Variants in COPA observed in about 807,000 individuals in gnomAD.
The protein encoded by COPA is coatomer subunit alpha.
COPA carries 10 observed loss-of-function variants against 158.7 expected under a neutral mutation model. The ratio of observed to expected loss-of-function variants is 0.06; its 90% CI spans 0.04 to 0.11. COPA has a LOEUF of 0.11. Ranked by LOEUF, COPA falls within the 10% of genes least tolerant of loss-of-function variation. The probability of loss-of-function intolerance (pLI) is 1.00; values close to 1 mark genes in which losing one functional copy is unlikely to be tolerated. For synonymous variants in COPA, 462 were observed against 542.8 expected (o/e 0.85, Z 2.07); for missense variants, 1,065 against 1,536.7 (o/e 0.69, Z 5.13).
Position 160,292,190 on chromosome 1 carries a change from G to C in COPA, c.2969C>G (p.Ala990Gly). 6.2e-7 allele frequency: 1 copy of C among 1,610,654 alleles called. No homozygotes were observed. Among genetic ancestry groups the C allele is most frequent in the South Asian group, 1.1e-5 (1 of 90,956 alleles). Residue 990 changes from alanine (A) to glycine (G), a missense_variant, in exon 29 of 33, where the codon GCA becomes GGA. Around this residue, in one of 2 missense-constraint regions of COPA, gnomAD observed 980 missense variants for 1,357.8 expected, o/e 0.72. Transcript: ENST00000241704. ...YGYPNRNWKD[A>G]GLKNGVPAVG... ...AGCTGGTACACCATTCTTCAGCCCTGCATCCTTCCTGGAAAGGGAAAAGTA... is the reference window on the plus strand; with the variant it reads ...AGCTGGTACACCATTCTTCAGCCCTCCATCCTTCCTGGAAAGGGAAAAGTA...
intron 3 of COPA, among the ~76,000 whole-genome samples, chr1:160,337,486 G>A (rs547087189): frequency 5.9e-5 from 9 of 152,366 alleles, no homozygotes; most frequent in Admixed American, 3.3e-4. Context: ...TTGGGAGGCC[G>A]AGGCAGGAAG....
chr1:160,330,128 CA>C lies in COPA; in HGVS notation c.496+2319del, dbSNP rs34477637. The stretch of plus-strand genomic sequence containing the variant: ...ACTCTGTCCCCACCGCCACCCCCCC[CA>C]AAAAAAAATTGCCCCTGATCAGCTG... On this transcript the variant is annotated intron_variant, in intron 6 of 32. Transcript: ENST00000241704. Among the ~76,000 whole-genome samples, 7 of 150,928 alleles carry C rather than the reference CA, an allele frequency of 4.6e-5. 1 individual carries two copies. In the South Asian group the frequency reaches 6.3e-4, roughly 14 times the overall value.
chr1:160,293,799 T>C (rs1245481363), intron 25 of COPA, among the ~76,000 whole-genome samples: 5 of 152,052 alleles, frequency 3.3e-5, no homozygotes, highest in South Asian at 2.1e-4. Context: ...CCCAGCCAAA[T>C]TGAGTAATTT....
Position 160,325,546 on chromosome 1 carries a change from T to C in COPA, c.603A>G (p.Leu201=), listed in dbSNP as rs773046847. The C allele has an allele frequency of 7.4e-6, 12 of 1,613,128 alleles. No homozygotes were observed. Among genetic ancestry groups the C allele is most frequent in the Non-Finnish European group, 1.0e-5 (12 of 1,179,170 alleles). ...GTTDAVVKHV[L]EGHDRGVNWA... ...CCCTGGCTATAAAGATAAGTACCTC[T>C]AGTACATGCTTCACCACTGCATCTG... Residue 201 remains leucine, a synonymous_variant, in exon 7 of 33, where the codon CTA becomes CTG. Transcript: ENST00000241704.
intron 28 of COPA, 99 bp downstream of exon 28, chr1:160,292,385 C>T (rs1658269637): frequency 6.3e-7 from 1 of 1,596,932 alleles, no homozygotes; most frequent in Non-Finnish European, 8.5e-7. Context: ...TACTGGGAAA[C>T]CCTAGCTCTG....
intron 6 of COPA, among the ~76,000 whole-genome samples, chr1:160,325,941 A>T (rs1659477467): frequency 6.6e-6 from 1 of 152,202 alleles, no homozygotes; most frequent in Non-Finnish European, 1.5e-5. Flanking sequence ...CTTCTTCCAC[A>T]AATCTTACCT....
At chr1:160,291,234 T>C in intron 31 of COPA, 101 bp downstream of exon 31, 1 of 1,303,300 alleles carries the variant, frequency 7.7e-7, no homozygotes, top group Non-Finnish European at 1.1e-6. Flanking sequence ...TGTTGAATGT[T>C]GTTATTTATT....
intron 8 of COPA, among the ~76,000 whole-genome samples, chr1:160,314,449 T>TA (rs1374171602): frequency 2.6e-5 from 4 of 151,920 alleles, no homozygotes; most frequent in Non-Finnish European, 4.4e-5. Flanking sequence ...GGCAACATGG[T>TA]AAAAAACCCC....
intron 1 of COPA, among the ~76,000 whole-genome samples, chr1:160,342,124 T>C (rs1260798673): frequency 1.3e-5 from 2 of 152,192 alleles, no homozygotes; most frequent in Non-Finnish European, 2.9e-5. Context: ...ATACACTCCA[T>C]ATACTTTCTC....
chr1:160,293,459 A>G lies in COPA; in HGVS notation c.2681T>C (p.Ile894Thr), dbSNP rs575105119. ...AGCCCCACCAGCTGCCCCAGGGGAT[A>G]TATCCTAGGGGAAAAACAAAAATTG... ...EDLELPPELDISPGAAGGAED... is the reference protein window; with the variant it reads ...EDLELPPELDTSPGAAGGAED... Residue 894 changes from isoleucine (I) to threonine (T), a missense_variant, in exon 26 of 33, where the codon ATA (isoleucine) becomes ACA (threonine). Ile to Thr is a moderately conservative substitution (Grantham distance 89, BLOSUM62 -1). Transcript: ENST00000241704. 1.2e-5 allele frequency: 19 copies of G among 1,591,632 alleles called. No individual in the cohort carries two copies. The South Asian group carries it at 2.1e-4, about 17-fold the overall frequency.
intron 6 of COPA, among the ~76,000 whole-genome samples, chr1:160,327,432 G>T (rs1277356158): frequency 6.6e-6 from 1 of 150,972 alleles, no homozygotes; most frequent in Non-Finnish European, 1.5e-5. Context: ...AGCTGCTAGG[G>T]AGGCTGAGGC....
At chr1:160,316,467 A>G (rs907039954) in intron 8 of COPA, among the ~76,000 whole-genome samples, 2 of 151,576 alleles carry the variant, frequency 1.3e-5, no homozygotes, top group African/African-American at 4.8e-5. Context: ...TTTAAGAACA[A>G]TTGGCTGGCG....
chr1:160,300,522 T>G (rs1380096227), intron 17 of COPA, among the ~76,000 whole-genome samples: 1 of 152,132 alleles, frequency 6.6e-6, no homozygotes, highest in Non-Finnish European at 1.5e-5. Flanking sequence ...GAGAAAGTCC[T>G]ATGTCCATAT....
chr1:160,315,648 T>A (rs1005794049), intron 8 of COPA, among the ~76,000 whole-genome samples: 1 of 152,076 alleles, frequency 6.6e-6, no homozygotes, highest in Non-Finnish European at 1.5e-5. Context: ...ATATATCCAA[T>A]AAAAACCAAA....
At chr1:160,316,853 TGAG>T (rs1659159962) in intron 8 of COPA, among the ~76,000 whole-genome samples, 1 of 151,696 alleles carries the variant, frequency 6.6e-6, no homozygotes, top group African/African-American at 2.4e-5. Context: ...TTCCAAAACT[TGAG>T]GAAGAAATAT....
At chr1:160,316,208 A>G (rs960672147) in intron 8 of COPA, among the ~76,000 whole-genome samples, 7 of 152,108 alleles carry the variant, frequency 4.6e-5, no homozygotes, top group Admixed American at 4.6e-4. Flanking sequence ...AAATACCAAA[A>G]TTAGCCAGAC....
At chr1:160,313,316 T>C in intron 9 of COPA, 149 bp from the exon 10 acceptor site, 1 of 656,570 alleles carries the variant, frequency 1.5e-6, no homozygotes, top group Non-Finnish European at 2.6e-6. Flanking sequence ...GTAGTCGTGA[T>C]AAATTCTACC....
intron 25 of COPA, 33 bp from the exon 26 acceptor site, chr1:160,293,496 A>ATT (rs368176604): frequency 9.1e-4 from 1,213 of 1,327,994 alleles, no homozygotes; most frequent in African/African-American, 1.2e-3. Context: ...GTATTGAGTA[A>ATT]TTTTTTTTTT....
chr1:160,342,083 G>A (rs1477074773), intron 1 of COPA, among the ~76,000 whole-genome samples: 1 of 151,748 alleles, frequency 6.6e-6, no homozygotes, highest in Non-Finnish European at 1.5e-5. Context: ...CAGTTTTTGA[G>A]CTACTGAGTC....
Sources: allele counts gnomAD v4.1 joint callset (sites outside exome capture counted in the v4.1 genomes callset), GRCh38; gene constraint gnomAD v4.1.1; regional missense constraint gnomAD v4.1.1; transcripts MANE v1.5; gene names NCBI Gene and HGNC (gene_info 2026-07-23, HGNC 2026-07-21).